The following FCHSD2 variants were observed in gnomAD, a reference collection of about 807,000 sequenced individuals.
The protein encoded by FCHSD2 is FCH and double SH3 domains 2.
A neutral mutation model predicts 108.1 loss-of-function variants in FCHSD2; 38 were observed. The observed-to-expected ratio is 0.35, with a 90% CI of 0.27 to 0.46. FCHSD2 has a LOEUF of 0.46. Among genes scored for constraint, FCHSD2 ranks in the 20% least tolerant of loss-of-function variants. The pLI is 1.00. For missense variants in FCHSD2, 751 were observed against 897.8 expected (o/e 0.84, Z 2.09); for synonymous variants, 279 against 314.7 (o/e 0.89, Z 1.20).
In FCHSD2 at chr11:72,841,545, T is replaced by C. The variant is rs1212699532; in HGVS notation, c.1965A>G (p.Pro655=). The C allele has an allele frequency of 6.2e-7, 1 of 1,610,976 alleles. No individual in the cohort carries two copies. The highest frequency in any genetic ancestry group is 1.7e-5 in the Admixed American group (1 of 59,434). ...PSPKPHASLP[P]LPLYDQPPSS... ...TGGGAGGCTGGTCGTACAACGGCAG[T>C]GGAGGCAGGGAGGCGTGTGGCTTGG... Residue 655 remains proline (P), a synonymous_variant, in exon 18 of 20, where the codon CCA becomes CCG. Coordinates refer to ENST00000409418, the MANE Select transcript of FCHSD2 (RefSeq NM_014824.3).
At chr11:72,934,945 C>A (rs1273881772) in intron 8 of FCHSD2, among the ~76,000 whole-genome samples, 1 of 152,082 alleles carries the variant, frequency 6.6e-6, no homozygotes, top group Non-Finnish European at 1.5e-5. Context: ...AATTTGAATG[C>A]CTTTAAGCAG....
chr11:72,864,662 A>C (rs1279733728), intron 13 of FCHSD2, among the ~76,000 whole-genome samples: 1 of 152,226 alleles, frequency 6.6e-6, no homozygotes, highest in Non-Finnish European at 1.5e-5. Context: ...TGCTATTATA[A>C]GGATGGAGCT....
At chr11:72,950,855 C>T (rs116752266) in intron 8 of FCHSD2, among the ~76,000 whole-genome samples, 121 of 152,308 alleles carry the variant, frequency 7.9e-4, no homozygotes, top group African/African-American at 2.6e-3. Flanking sequence ...TGGGCACATG[C>T]TGTGGGACTA....
At position 72,921,879 on chromosome 11, in the gene FCHSD2, T is replaced by A. The variant is rs372987922; in HGVS notation, c.777A>T (p.Thr259=). 1.1e-5 allele frequency: 17 copies of A among 1,608,696 alleles called. No individual in the cohort carries two copies. Among genetic ancestry groups the A allele is most frequent in the Non-Finnish European group, 1.4e-5 (17 of 1,176,846 alleles). The stretch of plus-strand genomic sequence containing the variant: ...GGAATGTGTTCTGCACAGCTTGGCA[T>A]GTTTCTAGCTCAGTCCGGCTGAAGG... The part of the protein sequence containing the change: ...LIAFSRTELE[T]CQAVQNTFQF... Residue 259 remains threonine, a synonymous_variant, in exon 9 of 20, where the codon ACA becomes ACT. Transcript: ENST00000409418.
intron 10 of FCHSD2, among the ~76,000 whole-genome samples, chr11:72,893,615 C>A (rs566857310): frequency 1.3e-5 from 2 of 152,166 alleles, no homozygotes; most frequent in African/African-American, 4.8e-5. Flanking sequence ...ATGCCCAGCC[C>A]AATATTTTTC....
At chr11:73,022,635 G>C (rs1858136226) in intron 3 of FCHSD2, among the ~76,000 whole-genome samples, 1 of 152,142 alleles carries the variant, frequency 6.6e-6, no homozygotes, top group Non-Finnish European at 1.5e-5. Context: ...AATGACTTGG[G>C]ACTTCATATT....
intron 12 of FCHSD2, 96 bp downstream of exon 12, chr11:72,887,374 T>C: frequency 2.7e-6 from 2 of 754,288 alleles, no homozygotes; most frequent in South Asian, 1.6e-5. Flanking sequence ...CACCTTCATC[T>C]CAGTGTGTGT....
intron 5 of FCHSD2, among the ~76,000 whole-genome samples, chr11:72,991,968 A>C (rs1396899441): frequency 2.6e-5 from 4 of 152,172 alleles, no homozygotes; most frequent in African/African-American, 9.7e-5. Flanking sequence ...AGGAAGTCAA[A>C]TTGTCCCTGT....
intron 3 of FCHSD2, among the ~76,000 whole-genome samples, chr11:73,028,286 G>T (rs1024193301): frequency 2.0e-5 from 3 of 152,224 alleles, no homozygotes; most frequent in Non-Finnish European, 4.4e-5. Flanking sequence ...CCCACATCTT[G>T]CAACAGCGTG....
chr11:72,898,547 C>G (rs1261602676), intron 10 of FCHSD2, among the ~76,000 whole-genome samples: 1 of 152,140 alleles, frequency 6.6e-6, no homozygotes, highest in Admixed American at 6.5e-5. Flanking sequence ...ACTATCTTAC[C>G]TGAGTATATA....
intron 9 of FCHSD2, among the ~76,000 whole-genome samples, chr11:72,904,842 G>A (rs1855595871): frequency 6.6e-6 from 1 of 152,034 alleles, no homozygotes; most frequent in Non-Finnish European, 1.5e-5. Flanking sequence ...GAAGAAACTG[G>A]GTTTTTGTTC....
At chr11:73,092,847 T>A (rs144933882) in intron 2 of FCHSD2, among the ~76,000 whole-genome samples, 137 of 152,302 alleles carry the variant, frequency 9.0e-4, no homozygotes, top group African/African-American at 3.3e-3. Context: ...AGACAGGTCT[T>A]ACCTTTGTCT....
chr11:72,841,471 C>G lies in FCHSD2; in HGVS notation c.2039G>C (p.Arg680Pro). The change falls in exon 18 of 20, where the codon CGG becomes CCG. Residue 680 changes from arginine to proline, a missense_variant. By Grantham distance (103) the Arg-to-Pro change is moderately radical (BLOSUM62 -2). Coordinates refer to ENST00000409418, the MANE Select transcript of FCHSD2 (RefSeq NM_014824.3). ...PDKRSSLYFP[R>P]SPSANEKSLH... ...ACCCTTACCGTTTGCTGAAGGAGAC[C>G]GGGGAAAGTACAGGGAGCTCCTCTT... 1 of 1,610,516 alleles carries G rather than the reference C, an allele frequency of 6.2e-7. No individual in the cohort carries two copies. Among genetic ancestry groups the G allele is most frequent in the South Asian group, 1.1e-5 (1 of 90,242 alleles).
chr11:72,844,665 A>G (rs1291074757), intron 14 of FCHSD2, among the ~76,000 whole-genome samples: 1 of 152,158 alleles, frequency 6.6e-6, no homozygotes, highest in Non-Finnish European at 1.5e-5. Flanking sequence ...TCTCTAGAAA[A>G]CAGTCTTAAA....
intron 2 of FCHSD2, among the ~76,000 whole-genome samples, chr11:73,109,196 A>C (rs1322593435): frequency 6.6e-6 from 1 of 152,164 alleles, no homozygotes; most frequent in Non-Finnish European, 1.5e-5. Flanking sequence ...AGCTTTGGCT[A>C]GCTATTCTGG....
intron 3 of FCHSD2, among the ~76,000 whole-genome samples, chr11:73,021,399 C>T (rs1858101126): frequency 6.6e-6 from 1 of 152,078 alleles, no homozygotes; most frequent in Non-Finnish European, 1.5e-5. Flanking sequence ...GAGATCATGT[C>T]CTTTGCAGGG....
At chr11:72,948,816 C>T (rs1420698181) in intron 8 of FCHSD2, among the ~76,000 whole-genome samples, 1 of 152,032 alleles carries the variant, frequency 6.6e-6, no homozygotes, top group African/African-American at 2.4e-5. Context: ...CAGGTGCCCG[C>T]CACTACGCCT....
intron 8 of FCHSD2, among the ~76,000 whole-genome samples, chr11:72,978,084 T>A (rs559237194): frequency 2.0e-5 from 3 of 151,970 alleles, no homozygotes; most frequent in East Asian, 3.9e-4. Context: ...CACCACATGT[T>A]CTCACTCATA....
At chr11:72,970,515 T>G (rs1206345284) in intron 8 of FCHSD2, among the ~76,000 whole-genome samples, 1 of 152,228 alleles carries the variant, frequency 6.6e-6, no homozygotes, top group Non-Finnish European at 1.5e-5. Context: ...ATTTTAGAAT[T>G]CTTTCCTCAA....
Sources: gnomAD v4.1 joint callset for allele counts (sites outside exome capture counted in the v4.1 genomes callset) on GRCh38, gnomAD v4.1.1 for gene constraint, MANE v1.5 for transcripts, NCBI Gene and HGNC (gene_info 2026-07-23, HGNC 2026-07-21) for gene names.